Variants in PREX2 observed in about 807,000 individuals in gnomAD.
The protein encoded by PREX2 is phosphatidylinositol-3,4,5-trisphosphate dependent Rac exchange factor 2.
A neutral mutation model predicts 203.2 loss-of-function variants in PREX2; 107 were observed. The ratio of observed to expected loss-of-function variants is 0.53; its 90% CI spans 0.45 to 0.62. PREX2 has a LOEUF of 0.62. Ranked by LOEUF, PREX2 falls within the 20% of genes least tolerant of loss-of-function variation. The pLI, the probability that PREX2 is intolerant of heterozygous loss-of-function variation, is 0.00. For missense variants in PREX2, 1,777 were observed against 1,955.9 expected (o/e 0.91, Z 1.72); for synonymous variants, 672 against 663.6 (o/e 1.01, Z -0.19).
chr8:68,117,110 C>G (rs960753605), intron 26 of PREX2, among the ~76,000 whole-genome samples: 3 of 152,156 alleles, frequency 2.0e-5, no homozygotes, highest in African/African-American at 7.2e-5. Flanking sequence ...AAATAGTAAT[C>G]AAAGTTCTCA....
chr8:68,103,213 T>C (rs1810313820), intron 23 of PREX2, among the ~76,000 whole-genome samples: 1 of 152,186 alleles, frequency 6.6e-6, no homozygotes, highest in Admixed American at 6.5e-5. Flanking sequence ...ATATATGGAC[T>C]GGGAAAATTG....
At chr8:68,020,786 G>T (rs914664652) in intron 3 of PREX2, among the ~76,000 whole-genome samples, 8 of 152,286 alleles carry the variant, frequency 5.3e-5, no homozygotes, top group African/African-American at 1.9e-4. Context: ...TCTCAGTCCA[G>T]GGCTGTGCCT....
chr8:67,983,448 C>T (rs1806327985), intron 1 of PREX2, among the ~76,000 whole-genome samples: 1 of 152,198 alleles, frequency 6.6e-6, no homozygotes, highest in South Asian at 2.1e-4. Context: ...CCTGAGTTAT[C>T]AGAATAGCCT....
chr8:67,984,989 C>T (rs1177330892), intron 1 of PREX2, among the ~76,000 whole-genome samples: 1 of 151,822 alleles, frequency 6.6e-6, no homozygotes, highest in Non-Finnish European at 1.5e-5. Flanking sequence ...TTGGGCTGTG[C>T]TTAAGTACAC....
rs139568645 is a variant in PREX2 at position 67,987,912 on chromosome 8, A to AGTATGTGT, written c.142-29932_142-29931insATGTGTGT. On this transcript the variant is annotated intron_variant, in intron 1 of 39. Transcript: ENST00000288368. ...TCCTCAGGAATTGTGGCAGCCAGGG[A>AGTATGTGT]GTGTGTGTGTGTGTGTGTGTGTGTG... is the stretch of plus-strand genomic sequence containing the variant. Among the ~76,000 whole-genome samples, 439 of 150,782 alleles carry AGTATGTGT rather than the reference A, an allele frequency of 2.9e-3. 2 individuals are homozygous for AGTATGTGT. Among genetic ancestry groups the AGTATGTGT allele is most frequent in the African/African-American group, 5.1e-3 (212 of 41,266 alleles).
rs1015531979 is a variant in PREX2, at chr8:68,146,091, G to A, written c.4088-118G>A. ...TGTCGAATCCCAACTTGATAAACAT[G>A]ATCACGTTTAATATATTGGTGTCGA... On this transcript the variant is annotated intron_variant, in intron 33 of 39. Transcript: ENST00000288368. The A allele has an allele frequency of 6.2e-6, 4 of 649,532 alleles. No homozygotes were observed. The Admixed American group carries it at 9.1e-5, about 15-fold the overall frequency. 40.2% of individuals were successfully genotyped at this position (649,532 alleles called of 1,614,324 possible).
chr8:68,128,975 A>G (rs1445200447), intron 31 of PREX2, among the ~76,000 whole-genome samples: 1 of 152,196 alleles, frequency 6.6e-6, no homozygotes, highest in Non-Finnish European at 1.5e-5. Context: ...GAGTAATAAT[A>G]ATGACAAAAA....
intron 11 of PREX2, among the ~76,000 whole-genome samples, chr8:68,065,957 A>G (rs1254217010): frequency 2.0e-5 from 3 of 152,194 alleles, no homozygotes; most frequent in Admixed American, 6.5e-5. Flanking sequence ...ATGTTTTGAA[A>G]TATGTGTAAA....
At chr8:68,049,674 C>T (rs114674299) in intron 8 of PREX2, among the ~76,000 whole-genome samples, 2,264 of 152,092 alleles carry the variant, frequency 0.015, 49 homozygotes, top group African/African-American at 0.052. Flanking sequence ...CAATTTAAAA[C>T]CTATTCTTCC....
In PREX2 at chr8:68,038,260, T is replaced by C; in HGVS notation, c.807T>C (p.Asp269=). ...NIQERVFFLF[D]NLLVYCKRKH... is the part of the protein sequence containing the mutation. Reference sequence around the variant, plus strand: ...AAGAACGGGTGTTTTTTCTTTTCGATAATCTTTTGGTGTACTGCAAAAGAA... The same window carrying C: ...AAGAACGGGTGTTTTTTCTTTTCGACAATCTTTTGGTGTACTGCAAAAGAA... The change falls in exon 7 of 40, where the codon GAT becomes GAC. Residue 269 remains aspartate, a synonymous_variant. Coordinates refer to ENST00000288368, the MANE Select transcript of PREX2 (RefSeq NM_024870.4). The C allele has an allele frequency of 6.2e-7, 1 of 1,613,912 alleles. No individual in the cohort carries two copies. Among genetic ancestry groups the C allele is most frequent in the Non-Finnish European group, 8.5e-7 (1 of 1,179,876 alleles).
intron 1 of PREX2, among the ~76,000 whole-genome samples, chr8:67,993,412 CT>C (rs72366669): frequency 3.0e-5 from 4 of 132,748 alleles, no homozygotes; most frequent in Middle Eastern, 3.9e-3. Flanking sequence ...TTTTTTTTTT[CT>C]TTTTTTTTTT....
chr8:68,228,446 G>C (rs1328165549), intron 39 of PREX2, among the ~76,000 whole-genome samples: 1 of 151,838 alleles, frequency 6.6e-6, no homozygotes, highest in Non-Finnish European at 1.5e-5. Context: ...AACAAAGCAA[G>C]ACCCTGTCTT....
intron 1 of PREX2, among the ~76,000 whole-genome samples, chr8:67,988,172 C>T (rs901005647): frequency 6.6e-6 from 1 of 152,184 alleles, no homozygotes; most frequent in Non-Finnish European, 1.5e-5. Flanking sequence ...CCCACAGTTA[C>T]CTTACTATCT....
intron 35 of PREX2, among the ~76,000 whole-genome samples, chr8:68,190,575 C>T (rs911657572): frequency 6.6e-6 from 1 of 151,956 alleles, no homozygotes; most frequent in African/African-American, 2.4e-5. Context: ...TTTTCACAAC[C>T]CCCTTCCCAC....
At chr8:68,132,981 A>G (rs1011514561) in intron 31 of PREX2, among the ~76,000 whole-genome samples, 5 of 152,216 alleles carry the variant, frequency 3.3e-5, no homozygotes, top group African/African-American at 9.6e-5. Flanking sequence ...GTATTGGTCT[A>G]TTTTCTCACT....
chr8:68,222,296 C>T (rs551704291), intron 38 of PREX2, among the ~76,000 whole-genome samples: 6 of 151,658 alleles, frequency 4.0e-5, no homozygotes, highest in Admixed American at 6.6e-5. Flanking sequence ...AATTACCAGA[C>T]GAGAAAAGGA....
At chr8:68,017,810 A>G (rs1378494613) in intron 1 of PREX2, 36 bp from the exon 2 acceptor site, 1 of 1,555,840 alleles carries the variant, frequency 6.4e-7, no homozygotes, top group Middle Eastern at 1.7e-4. Flanking sequence ...TTATTAACCT[A>G]ATGTTACCTT....
chr8:68,115,335 G>A (rs934142138), intron 25 of PREX2, among the ~76,000 whole-genome samples: 2 of 152,112 alleles, frequency 1.3e-5, no homozygotes, highest in Non-Finnish European at 2.9e-5. Flanking sequence ...GCTGATTACC[G>A]AGTATTTTCA....
chr8:68,006,311 C>G (rs1029388600), intron 1 of PREX2, among the ~76,000 whole-genome samples: 1 of 152,216 alleles, frequency 6.6e-6, no homozygotes, highest in Non-Finnish European at 1.5e-5. Context: ...GCAGTATAAC[C>G]TGTCTCAACA....
Sources: gnomAD v4.1 joint callset for allele counts (sites outside exome capture counted in the v4.1 genomes callset) on GRCh38, gnomAD v4.1.1 for gene constraint, MANE v1.5 for transcripts, NCBI Gene and HGNC (gene_info 2026-07-23, HGNC 2026-07-21) for gene names.